CFAP299: variants seen among roughly 807,000 people sequenced by gnomAD.
The protein encoded by CFAP299 is cilia and flagella associated protein 299, also known as cilia- and flagella-associated protein 299.
A neutral mutation model predicts 27.0 loss-of-function variants in CFAP299; 21 were observed. The observed-to-expected ratio is 0.78, with a 90% CI of 0.55 to 1.12. CFAP299 has a LOEUF of 1.12. Ranked by LOEUF, CFAP299 falls within the 50% of genes most tolerant of loss-of-function variation. The pLI, the probability that CFAP299 is intolerant of heterozygous loss-of-function variation, is 0.00. For missense variants in CFAP299, 310 were observed against 276.6 expected (o/e 1.12, Z -0.86); for synonymous variants, 104 against 98.1 (o/e 1.06, Z -0.36).
rs1461980153 is a variant in CFAP299, at chr4:80,816,051, A to G, written c.334-53942A>G. The stretch of plus-strand genomic sequence containing the variant: ...AGAAAAAGAAAACTATTACATATGT[A>G]TTCTATAAAACTACTATTTGAGAAA... On this transcript the variant is annotated intron_variant, in intron 3 of 5. Coordinates refer to ENST00000358105, the MANE Select transcript of CFAP299 (RefSeq NM_152770.3). 2.0e-5 allele frequency among the ~76,000 whole-genome samples: 3 copies of G among 152,058 alleles called. No individual in the cohort carries two copies. The East Asian group carries it at 5.8e-4, about 29-fold the overall frequency.
chr4:80,793,892 T>C (rs1305800590), intron 3 of CFAP299, among the ~76,000 whole-genome samples: 1 of 152,206 alleles, frequency 6.6e-6, no homozygotes, highest in Non-Finnish European at 1.5e-5. Flanking sequence ...CTATCCATTC[T>C]GTATTCCCTT....
At chr4:80,461,503 G>T (rs947911110) in intron 2 of CFAP299, among the ~76,000 whole-genome samples, 1 of 152,106 alleles carries the variant, frequency 6.6e-6, no homozygotes, top group African/African-American at 2.4e-5. Context: ...TACTGCTAAG[G>T]AGTGTTTGGT....
intron 2 of CFAP299, among the ~76,000 whole-genome samples, chr4:80,489,508 A>G (rs1420007482): frequency 6.6e-6 from 1 of 152,220 alleles, no homozygotes; most frequent in Admixed American, 6.5e-5. Flanking sequence ...TTAGAAAACA[A>G]AAATAGCCCT....
intron 4 of CFAP299, among the ~76,000 whole-genome samples, chr4:80,880,491 G>T (rs940502865): frequency 1.3e-5 from 2 of 152,120 alleles, no homozygotes; most frequent in African/African-American, 2.4e-5. Flanking sequence ...CAGCACTTTG[G>T]GAGGCCGAGG....
chr4:80,859,585 A>G (rs141378701), intron 3 of CFAP299, among the ~76,000 whole-genome samples: 3,181 of 151,728 alleles, frequency 0.021, 107 homozygotes, highest in African/African-American at 0.072. Flanking sequence ...TTCCTTCAGG[A>G]ACTCTTTTAG....
chr4:80,583,614 A>C (rs1047456993), intron 3 of CFAP299, among the ~76,000 whole-genome samples: 1 of 151,978 alleles, frequency 6.6e-6, no homozygotes, highest in Non-Finnish European at 1.5e-5. Flanking sequence ...GATACAAATC[A>C]CGTAGTAGAA....
chr4:80,717,924 C>T (rs1050599871), intron 3 of CFAP299, among the ~76,000 whole-genome samples: 1 of 152,056 alleles, frequency 6.6e-6, no homozygotes, highest in East Asian at 1.9e-4. Context: ...TGTAATTTTA[C>T]AATCATTTTT....
At chr4:80,784,360 T>C (rs1239445288) in intron 3 of CFAP299, among the ~76,000 whole-genome samples, 1 of 152,206 alleles carries the variant, frequency 6.6e-6, no homozygotes, top group East Asian at 1.9e-4. Context: ...CCAACACTTG[T>C]GATCTGTCTT....
intron 2 of CFAP299, among the ~76,000 whole-genome samples, chr4:80,373,259 T>G (rs1183572369): frequency 1.3e-5 from 2 of 151,968 alleles, no homozygotes; most frequent in Non-Finnish European, 2.9e-5. Context: ...CAGTGATTCT[T>G]TGGATCTCTA....
In CFAP299 at chr4:80,445,905, T is replaced by C. The variant is rs567119748; in HGVS notation, c.242+83021T>C. Among the ~76,000 whole-genome samples the C allele has an allele frequency of 3.9e-5, 6 of 152,288 alleles. No homozygotes were observed. The East Asian group carries it at 1.2e-3, about 29-fold the overall frequency. On this transcript the variant is annotated intron_variant, in intron 2 of 5. Coordinates refer to ENST00000358105, the MANE Select transcript of CFAP299 (RefSeq NM_152770.3). ...ACAGTAATAAATAACTGAGTTGGCA[T>C]TGTATGCTAAAGATGTGTGTATGTG...
intron 3 of CFAP299, among the ~76,000 whole-genome samples, chr4:80,776,571 C>G (rs1181475071): frequency 6.6e-6 from 1 of 151,928 alleles, no homozygotes; most frequent in Non-Finnish European, 1.5e-5. Flanking sequence ...GAACATCACA[C>G]ACCCGGGCCT....
chr4:80,698,553 C>T (rs1453049415), intron 3 of CFAP299, among the ~76,000 whole-genome samples: 1 of 152,164 alleles, frequency 6.6e-6, no homozygotes. Flanking sequence ...TGATTGTTGC[C>T]TTCAAAGACT....
rs528416385 is a variant in CFAP299 at position 80,369,721 on chromosome 4, A to G, written c.242+6837A>G. Among the ~76,000 whole-genome samples, 5 of 152,338 alleles carry G rather than the reference A, an allele frequency of 3.3e-5. No homozygotes were observed. The East Asian group carries it at 9.6e-4, about 29-fold the overall frequency. On this transcript the variant is annotated intron_variant, in intron 2 of 5. Transcript: ENST00000358105. ...TGCCCAAGGTGCCTAAGTGGCAGCC[A>G]TAGCTTGTAGTTCAGTGAGACACTT...
chr4:80,903,255 T>C (rs1379987083), intron 4 of CFAP299, among the ~76,000 whole-genome samples: 1 of 152,098 alleles, frequency 6.6e-6, no homozygotes, highest in Non-Finnish European at 1.5e-5. Flanking sequence ...ACCCATATCA[T>C]TAGATGGTCT....
At chr4:80,494,118 A>T (rs551006651) in intron 2 of CFAP299, among the ~76,000 whole-genome samples, 26 of 152,240 alleles carry the variant, frequency 1.7e-4, no homozygotes, top group African/African-American at 6.3e-4. Context: ...TCCCACCTCC[A>T]TGCTCTTCTT....
intron 2 of CFAP299, among the ~76,000 whole-genome samples, chr4:80,370,151 A>G (rs1724061130): frequency 6.6e-6 from 1 of 152,122 alleles, no homozygotes; most frequent in Non-Finnish European, 1.5e-5. Flanking sequence ...AGCAGGAGGA[A>G]TAGAAAGTTG....
chr4:80,613,675 T>C (rs1738118311), intron 3 of CFAP299, among the ~76,000 whole-genome samples: 1 of 152,126 alleles, frequency 6.6e-6, no homozygotes, highest in African/African-American at 2.4e-5. Context: ...GTTGATTTTG[T>C]AGAAAGCTGA....
chr4:80,420,414 A>C, intron 2 of CFAP299: 1 of 269,724 alleles, frequency 3.7e-6, no homozygotes, highest in South Asian at 3.7e-5. Context: ...AGATATTTTT[A>C]TTTTTTTCAT....
At chr4:80,681,362 C>T (rs902374529) in intron 3 of CFAP299, among the ~76,000 whole-genome samples, 2 of 151,866 alleles carry the variant, frequency 1.3e-5, no homozygotes, top group Admixed American at 1.3e-4. Context: ...ACAAGCTGTA[C>T]CCAGGTGTGC....
Sources: gnomAD v4.1 joint callset for allele counts (sites outside exome capture counted in the v4.1 genomes callset) on GRCh38, gnomAD v4.1.1 for gene constraint, MANE v1.5 for transcripts, NCBI Gene and HGNC (gene_info 2026-07-23, HGNC 2026-07-21) for gene names.